The following ADGRG2 variants were observed in gnomAD, a reference collection of about 807,000 sequenced individuals.
ADGRG2 encodes the protein adhesion G protein-coupled receptor G2.
ADGRG2 carries 26 observed loss-of-function variants against 74.1 expected under a neutral mutation model. The observed-to-expected ratio is 0.35, with a 90% confidence interval of 0.26 to 0.49. The LOEUF (loss-of-function observed/expected upper bound fraction) is 0.49, where lower values mean the gene tolerates loss of function less well. Ranked by LOEUF, ADGRG2 falls within the 20% of genes least tolerant of loss-of-function variation. ADGRG2 has a pLI of 0.99. For missense variants in ADGRG2, 619 were observed against 763.1 expected (o/e 0.81, Z 2.22); for synonymous variants, 296 against 295.2 (o/e 1.00, Z -0.03).
intron 1 of ADGRG2, among the ~76,000 whole-genome samples, chrX:19,121,460 G>T (rs1038770258): frequency 9.0e-6 from 1 of 111,301 alleles, no homozygotes; most frequent in African/African-American, 3.3e-5. Context: ...CGTGCGTTTG[G>T]GGGTAGAGGT....
intron 23 of ADGRG2, 121 bp from the exon 24 acceptor site, chrX:19,003,235 G>A: frequency 2.0e-6 from 1 of 502,784 alleles, no homozygotes; most frequent in Non-Finnish European, 3.4e-6. Flanking sequence ...CGTGATCTCA[G>A]GTCACTGCAA....
chrX:19,071,805 G>A (rs191084540), intron 2 of ADGRG2, among the ~76,000 whole-genome samples: 65 of 109,709 alleles, frequency 5.9e-4, no homozygotes, highest in African/African-American at 2.1e-3. Flanking sequence ...TTTGAACTCT[G>A]TCCCCCCTCC....
At chrX:19,011,356 CAAAAAT>C (rs2060353076) in intron 16 of ADGRG2, among the ~76,000 whole-genome samples, 1 of 111,407 alleles carries the variant, frequency 9.0e-6, no homozygotes, top group Non-Finnish European at 1.9e-5. Flanking sequence ...CACAGAACTG[CAAAAAT>C]TTGATTTATC....
intron 15 of ADGRG2, among the ~76,000 whole-genome samples, chrX:19,017,962 T>G (rs1417795868): frequency 9.0e-6 from 1 of 111,556 alleles, no homozygotes; most frequent in African/African-American, 3.3e-5. Flanking sequence ...CCTGTTTTTT[T>G]CTATGTATAC....
Position 19,027,208 on chromosome X carries a change from A to C in ADGRG2, c.470+11T>G. 1.8e-6 allele frequency: 2 copies of C among 1,093,697 alleles called. No individual in the cohort carries two copies. The highest frequency in any genetic ancestry group is 2.5e-6 in the Non-Finnish European group (2 of 787,922). 90.1% of individuals were successfully genotyped at this position (1,093,697 alleles called of 1,213,427 possible). A position where few individuals can be genotyped will look rare whatever the true frequency, so the allele number is the denominator to read the frequency against. Reference sequence around the variant, plus strand: ...TGTCTGCAGTTTCAAATCAAACGGCAGATTACTCACTTTAATTCACTTAGA... The same window carrying C: ...TGTCTGCAGTTTCAAATCAAACGGCCGATTACTCACTTTAATTCACTTAGA... On this transcript the variant is annotated intron_variant, in intron 11 of 28. Transcript: ENST00000379869.
At chrX:18,998,767 ACAT>A (rs1188187470) in intron 26 of ADGRG2, among the ~76,000 whole-genome samples, 3 of 111,202 alleles carry the variant, frequency 2.7e-5, no homozygotes, top group Non-Finnish European at 3.8e-5. Flanking sequence ...ATTTGTTTAG[ACAT>A]CATGCAATTG....
intron 1 of ADGRG2, among the ~76,000 whole-genome samples, chrX:19,092,054 G>C (rs779727252): frequency 1.8e-5 from 2 of 112,296 alleles, no homozygotes; most frequent in South Asian, 7.4e-4. Context: ...TGAAGCAGCT[G>C]CATGTGAACT....
intron 13 of ADGRG2, among the ~76,000 whole-genome samples, chrX:19,022,110 A>T (rs1016586871): frequency 9.9e-5 from 11 of 110,573 alleles, no homozygotes; most frequent in African/African-American, 3.6e-4. Flanking sequence ...CTAAAAATAC[A>T]AAAAGTAGCT....
At chrX:19,069,539 G>A (rs771503709) in intron 2 of ADGRG2, among the ~76,000 whole-genome samples, 1 of 110,823 alleles carries the variant, frequency 9.0e-6, no homozygotes, top group South Asian at 3.9e-4. Flanking sequence ...TTCCCTGCCC[G>A]AATGTTGCCT....
At chrX:19,060,542 C>CTTTTTTTTTT (rs58196298) in intron 3 of ADGRG2, among the ~76,000 whole-genome samples, 1 of 87,092 alleles carries the variant, frequency 1.1e-5, no homozygotes. Flanking sequence ...GGCAGGTATT[C>CTTTTTTTTTT]TTTTTTTTTT....
intron 1 of ADGRG2, among the ~76,000 whole-genome samples, chrX:19,115,558 A>G: frequency 9.0e-6 from 1 of 111,528 alleles, no homozygotes; most frequent in East Asian, 2.8e-4. Flanking sequence ...GTAGCACAGC[A>G]AACGCTTGGC....
chrX:19,098,195 G>T (rs1185804847), intron 1 of ADGRG2, among the ~76,000 whole-genome samples: 1 of 111,579 alleles, frequency 9.0e-6, no homozygotes, highest in African/African-American at 3.3e-5. Flanking sequence ...CTAGAGATGG[G>T]ACTAGGCTAG....
chrX:19,078,656 A>T (rs1415130116), intron 2 of ADGRG2, among the ~76,000 whole-genome samples: 1 of 111,428 alleles, frequency 9.0e-6, no homozygotes, highest in African/African-American at 3.3e-5. Context: ...GATAGAGTGA[A>T]AATTATATTT....
chrX:19,021,225 A>G (rs2060582397), intron 13 of ADGRG2, 27 bp from the exon 14 acceptor site: 1 of 738,942 alleles, frequency 1.4e-6, no homozygotes, highest in East Asian at 3.2e-5. Context: ...ACATAACCAG[A>G]ATGTTACTAA....
At chrX:19,099,097 C>T (rs765424125) in intron 1 of ADGRG2, among the ~76,000 whole-genome samples, 3 of 111,177 alleles carry the variant, frequency 2.7e-5, no homozygotes, top group Non-Finnish European at 5.7e-5. Context: ...GGCAGGAGAA[C>T]TGCTTGAACC....
chrX:19,056,905 T>C (rs1462974021), intron 3 of ADGRG2, among the ~76,000 whole-genome samples: 1 of 111,675 alleles, frequency 9.0e-6, no homozygotes, highest in East Asian at 2.8e-4. Flanking sequence ...CTGACTTGGG[T>C]TCAGATCCTG....
chrX:19,095,398 G>A (rs1313556583), intron 1 of ADGRG2, among the ~76,000 whole-genome samples: 3 of 110,758 alleles, frequency 2.7e-5, no homozygotes, highest in South Asian at 7.8e-4. Context: ...TTAATATACC[G>A]CAGGGAAGGC....
chrX:19,013,883 G>T lies in ADGRG2; in HGVS notation c.902C>A (p.Pro301His). ...NVPSPIGEIQ[P>H]LSPQPSAPIA... ...GGGAGCTGAAGGCTGGGGTGAAAGG[G>T]GTTGAATCTCCCCTATTGGAGAGGG... Residue 301 changes from proline to histidine, a missense_variant, in exon 16 of 29, where the codon CCC becomes CAC. Physicochemically the swap from Pro to His is moderately conservative, Grantham distance 77 (BLOSUM62 -2). This residue lies in a region of ADGRG2 where 292 missense variants were observed against 318.0 expected (regional missense o/e 0.92). Coordinates refer to ENST00000379869, the MANE Select transcript of ADGRG2 (RefSeq NM_001079858.3). The T allele has an allele frequency of 8.3e-7, 1 of 1,208,462 alleles. No homozygotes were observed. The highest frequency in any genetic ancestry group is 1.1e-6 in the Non-Finnish European group (1 of 892,914).
chrX:19,120,494 AGACTT>A (rs1386470663), intron 1 of ADGRG2, among the ~76,000 whole-genome samples: 1 of 112,332 alleles, frequency 8.9e-6, no homozygotes, highest in African/African-American at 3.2e-5. Context: ...GTATGCTCTT[AGACTT>A]ATCTCTTCAG....
Sources: allele counts gnomAD v4.1 joint callset (sites outside exome capture counted in the v4.1 genomes callset), GRCh38; gene constraint gnomAD v4.1.1; regional missense constraint gnomAD v4.1.1; transcripts MANE v1.5; gene names NCBI Gene and HGNC (gene_info 2026-07-23, HGNC 2026-07-21).